Variants in TRMT13 observed in about 807,000 individuals in gnomAD.
TRMT13 encodes the protein tRNA:m(4)X modification enzyme TRM13 homolog.
TRMT13 carries 45 observed loss-of-function variants against 55.9 expected under a neutral mutation model. The ratio of observed to expected loss-of-function variants is 0.80; its 90% CI spans 0.63 to 1.03. TRMT13 has a LOEUF of 1.03. Ranked by LOEUF, TRMT13 falls within the 50% of genes least tolerant of loss-of-function variation. TRMT13 has a pLI of 0.00. For missense variants in TRMT13, 513 were observed against 563.9 expected (o/e 0.91, Z 0.91); for synonymous variants, 183 against 196.3 (o/e 0.93, Z 0.57).
chr1:100,138,610 C>G (rs1656200159), intron 3 of TRMT13, among the ~76,000 whole-genome samples: 1 of 152,192 alleles, frequency 6.6e-6, no homozygotes, highest in African/African-American at 2.4e-5. Context: ...CTTTCTGCCT[C>G]CATGTAACAA....
chr1:100,133,298 C>T lies in TRMT13; in HGVS notation c.130C>T (p.His44Tyr). ...VAAGKRFCGE[H>Y]AGAAEEEDAR... Reference sequence around the variant, plus strand: ...CGCAGGGAAAAGATTTTGTGGTGAACACGCTGGAGCCGCGGAGGTGTGGTA... The same window carrying T: ...CGCAGGGAAAAGATTTTGTGGTGAATACGCTGGAGCCGCGGAGGTGTGGTA... Residue 44 changes from histidine (H) to tyrosine (Y), a missense_variant, in exon 1 of 11, where the codon CAC (histidine) becomes TAC (tyrosine). By Grantham distance (83) the His-to-Tyr change is moderately conservative (BLOSUM62 2). Transcript: ENST00000370141. The T allele has an allele frequency of 6.2e-7, 1 of 1,614,120 alleles. No homozygotes were observed. The highest frequency in any genetic ancestry group is 8.5e-7 in the Non-Finnish European group (1 of 1,180,002).
At chr1:100,133,523 G>T (rs1007978095) in intron 1 of TRMT13, among the ~76,000 whole-genome samples, 6 of 152,070 alleles carry the variant, frequency 3.9e-5, no homozygotes, top group Non-Finnish European at 8.8e-5. Flanking sequence ...TAAGTAAAGC[G>T]CCAGCAGTGA....
intron 7 of TRMT13, among the ~76,000 whole-genome samples, chr1:100,141,355 T>C (rs1459000006): frequency 6.6e-6 from 1 of 152,156 alleles, no homozygotes; most frequent in Non-Finnish European, 1.5e-5. Context: ...TTTTTGAGCA[T>C]ACTGCCAGGC....
In TRMT13 at chr1:100,148,933, T is replaced by G; in HGVS notation, c.*113T>G. 1 of 1,155,560 alleles carries G rather than the reference T, an allele frequency of 8.7e-7. No homozygotes were observed. Among genetic ancestry groups the G allele is most frequent in the Non-Finnish European group, 1.2e-6 (1 of 862,678 alleles). The allele number at this position is 1,155,560 out of a possible 1,614,324, so 71.6% of individuals were successfully genotyped here. A position where few individuals can be genotyped will look rare whatever the true frequency, so the allele number is the denominator to read the frequency against. Reference sequence around the variant, plus strand: ...AGCAAATAATATGAACTTTAAAAAATGCTGTGGCCTCATTAAACTTTGGTA... The same window carrying G: ...AGCAAATAATATGAACTTTAAAAAAGGCTGTGGCCTCATTAAACTTTGGTA... On this transcript the variant is annotated 3_prime_UTR_variant, in exon 11 of 11. Coordinates refer to ENST00000370141, the MANE Select transcript of TRMT13 (RefSeq NM_019083.3).
chr1:100,149,415 G>C lies in TRMT13; in HGVS notation c.*595G>C. The C allele has an allele frequency of 6.5e-7, 1 of 1,543,912 alleles. No individual in the cohort carries two copies. Among genetic ancestry groups the C allele is most frequent in the Non-Finnish European group, 8.7e-7 (1 of 1,144,686 alleles). ...GTATATATTGTCAGAATCTGTCCAT[G>C]ACAAACACAAAACTGAAGAGCTGTT... On this transcript the variant is annotated 3_prime_UTR_variant, in exon 11 of 11. Transcript: ENST00000370141.
intron 7 of TRMT13, 168 bp from the exon 8 acceptor site, chr1:100,142,969 T>G: frequency 1.8e-6 from 1 of 553,960 alleles, no homozygotes. Flanking sequence ...TTTCAAATCT[T>G]TTTTAAAAAG....
intron 3 of TRMT13, among the ~76,000 whole-genome samples, 187 bp from the exon 4 acceptor site, chr1:100,139,462 G>C (rs1057322484): frequency 2.6e-5 from 4 of 152,176 alleles, no homozygotes; most frequent in Non-Finnish European, 5.9e-5. Flanking sequence ...CTGTGGTGGA[G>C]TGCCCAATAC....
chr1:100,136,813 TTATATCTGGTA>T (rs1486594264), intron 1 of TRMT13, 58 bp from the exon 2 acceptor site: 2 of 1,316,576 alleles, frequency 1.5e-6, no homozygotes, highest in East Asian at 2.5e-5. Context: ...GACACTGAAG[TTATATCTGGTA>T]TCTGTAAGCA....
intron 3 of TRMT13, among the ~76,000 whole-genome samples, chr1:100,138,268 A>G (rs1368748588): frequency 1.3e-5 from 2 of 152,228 alleles, no homozygotes; most frequent in Non-Finnish European, 2.9e-5. Context: ...TATACTAAAT[A>G]AAAGTTAGTT....
chr1:100,148,653 A>G lies in TRMT13; in HGVS notation c.1279A>G (p.Ile427Val), dbSNP rs763873844. Residue 427 changes from isoleucine to valine, a missense_variant, in exon 11 of 11, where the codon ATA becomes GTA. Ile to Val is a conservative substitution (Grantham distance 29). Around this residue, in one of 3 missense-constraint regions of TRMT13, gnomAD observed 209 missense variants for 255.8 expected, o/e 0.82. Transcript: ENST00000370141. ...TCTTAGTGTTGAAGAAAAGAAGAAAATAGGGCATCTTTGTAAATTGCTGAT... is the reference window on the plus strand; with the variant it reads ...TCTTAGTGTTGAAGAAAAGAAGAAAGTAGGGCATCTTTGTAAATTGCTGAT... Reference protein sequence around the residue: ...GLLSVEEKKKIGHLCKLLIDQ... With the variant: ...GLLSVEEKKKVGHLCKLLIDQ... 1.1e-5 allele frequency: 18 copies of G among 1,610,452 alleles called. No individual in the cohort carries two copies. The highest frequency in any genetic ancestry group is 1.5e-5 in the Non-Finnish European group (18 of 1,179,208).
chr1:100,134,477 C>A (rs1655532544), intron 1 of TRMT13, among the ~76,000 whole-genome samples: 1 of 152,146 alleles, frequency 6.6e-6, no homozygotes, highest in Admixed American at 6.5e-5. Flanking sequence ...TCCCCTGACC[C>A]CCTTCATCTG....
chr1:100,136,005 A>C (rs1341975292), intron 1 of TRMT13, among the ~76,000 whole-genome samples: 2 of 152,172 alleles, frequency 1.3e-5, no homozygotes, highest in Non-Finnish European at 2.9e-5. Context: ...TTTACAGCCT[A>C]GTAGCAATAG....
In TRMT13 at chr1:100,143,122, G is replaced by A. The variant is rs1656819066; in HGVS notation, c.670-15G>A. ...TGTAAGAAGTGATTATTACAATAAT[G>A]TTCTGTTTGTGCAGGTGGATGGAAA... On this transcript the variant is annotated splice_polypyrimidine_tract_variant and intron_variant, in intron 7 of 10. Transcript: ENST00000370141. 3 of 1,579,146 alleles carry A rather than the reference G, an allele frequency of 1.9e-6. No homozygotes were observed. Among genetic ancestry groups the A allele is most frequent in the Admixed American group, 1.7e-5 (1 of 58,538 alleles).
chr1:100,148,382 G>A lies in TRMT13; in HGVS notation c.1250+56G>A, dbSNP rs1038714882. 4 of 1,483,152 alleles carry A rather than the reference G, an allele frequency of 2.7e-6. No individual in the cohort carries two copies. In the East Asian group the frequency reaches 6.8e-5, roughly 25 times the overall value. The allele number at this position is 1,483,152 out of a possible 1,614,324, so 91.9% of individuals were successfully genotyped here. A position where few individuals can be genotyped will look rare whatever the true frequency, so the allele number is the denominator to read the frequency against. On this transcript the variant is annotated intron_variant, in intron 10 of 10. Transcript: ENST00000370141. ...TAAAGGAGAAATATTATATTGTACT[G>A]TACTTTAGATGACTATTATCAACAA...
chr1:100,137,559 G>A lies in TRMT13; in HGVS notation c.261+474G>A, dbSNP rs150556659. Among the ~76,000 whole-genome samples, 565 of 152,202 alleles carry A rather than the reference G, an allele frequency of 3.7e-3. 3 individuals carry two copies. Among genetic ancestry groups the A allele is most frequent in the African/African-American group, 0.013 (524 of 41,546 alleles). On this transcript the variant is annotated intron_variant, in intron 3 of 10. Transcript: ENST00000370141. ...AACCTGCCTGACTTTTGTTCCATAA[G>A]TAGACATTTATTTATTACACTGTAC... is the stretch of plus-strand genomic sequence containing the variant.
At position 100,148,959 on chromosome 1, in the gene TRMT13, A is replaced by G; in HGVS notation, c.*139A>G. ...GCTGTGGCCTCATTAAACTTTGGTAATAGCTTTTCTTTTTACTTCAGAAAT... is the reference window on the plus strand; with the variant it reads ...GCTGTGGCCTCATTAAACTTTGGTAGTAGCTTTTCTTTTTACTTCAGAAAT... On this transcript the variant is annotated 3_prime_UTR_variant, in exon 11 of 11. Coordinates refer to ENST00000370141, the MANE Select transcript of TRMT13 (RefSeq NM_019083.3). 7.7e-7 allele frequency: 1 copy of G among 1,305,938 alleles called. No individual in the cohort carries two copies. Among genetic ancestry groups the G allele is most frequent in the Non-Finnish European group, 1.0e-6 (1 of 979,302 alleles). The allele number at this position is 1,305,938 out of a possible 1,614,324, so 80.9% of individuals were successfully genotyped here.
chr1:100,147,867 G>A lies in TRMT13; in HGVS notation c.818-27G>A, dbSNP rs781356078. 3 of 1,550,188 alleles carry A rather than the reference G, an allele frequency of 1.9e-6. No homozygotes were observed. The Admixed American group carries it at 6.0e-5, about 31-fold the overall frequency. The stretch of plus-strand genomic sequence containing the variant: ...TTTATTTTTAAAGATGATGTGGTTT[G>A]GGGGGGCCACATAATTGTGTTTGCA... On this transcript the variant is annotated intron_variant, in intron 9 of 10. Coordinates refer to ENST00000370141, the MANE Select transcript of TRMT13 (RefSeq NM_019083.3).
At chr1:100,143,098 G>A (rs1394469530) in intron 7 of TRMT13, 39 bp from the exon 8 acceptor site, 2 of 1,362,722 alleles carry the variant, frequency 1.5e-6, no homozygotes, top group South Asian at 1.3e-5. Flanking sequence ...TTTTTTAAAT[G>A]TAAGAAGTGA....
chr1:100,133,290 G>T lies in TRMT13; in HGVS notation c.122G>T (p.Cys41Phe), dbSNP rs1288190547. 6.2e-7 allele frequency: 1 copy of T among 1,614,052 alleles called. No homozygotes were observed. Residue 41 changes from cysteine to phenylalanine, a missense_variant, in exon 1 of 11, where the codon TGT (cysteine) becomes TTT (phenylalanine). By Grantham distance (205) the Cys-to-Phe change is radical. This residue lies in a region of TRMT13 where 298 missense variants were observed against 290.3 expected (regional missense o/e 1.03). Coordinates refer to ENST00000370141, the MANE Select transcript of TRMT13 (RefSeq NM_019083.3). Reference protein sequence around the residue: ...RMVVAAGKRFCGEHAGAAEEE... With the variant: ...RMVVAAGKRFFGEHAGAAEEE... ...GTGGTGGCCGCAGGGAAAAGATTTTGTGGTGAACACGCTGGAGCCGCGGAG... is the reference window on the plus strand; with the variant it reads ...GTGGTGGCCGCAGGGAAAAGATTTTTTGGTGAACACGCTGGAGCCGCGGAG...
Sources: allele counts gnomAD v4.1 joint callset (sites outside exome capture counted in the v4.1 genomes callset), GRCh38; gene constraint gnomAD v4.1.1; regional missense constraint gnomAD v4.1.1; transcripts MANE v1.5; gene names NCBI Gene and HGNC (gene_info 2026-07-23, HGNC 2026-07-21).